Variants in EYS observed in about 807,000 individuals in gnomAD.
EYS encodes the protein EGF-like photoreceptor maintenance factor.
A neutral mutation model predicts 282.1 loss-of-function variants in EYS; 250 were observed. The observed-to-expected ratio is 0.89, with a 90% CI of 0.80 to 0.98. EYS has a LOEUF of 0.98. Ranked by LOEUF, EYS falls within the 50% of genes least tolerant of loss-of-function variation. The pLI is 0.00. For missense variants in EYS, 4,016 were observed against 3,709.0 expected, an observed-to-expected ratio of 1.08 and a Z score of -2.15; for synonymous variants, 1,355 against 1,282.9, an observed-to-expected ratio of 1.06 and a Z score of -1.20.
At chr6:64,206,623 T>A (rs1765616688) in intron 31 of EYS, among the ~76,000 whole-genome samples, 1 of 152,160 alleles carries the variant, frequency 6.6e-6, no homozygotes. Context: ...CCTGGATTGA[T>A]CATGATAGCC....
In EYS at chr6:65,043,958, G is replaced by A. The variant is rs148490007; in HGVS notation, c.2137+13656C>T. Reference sequence around the variant, plus strand: ...TTTTTTAGTTTTTTGAGGAATCTCCGTACCATTTTTCATGATGGTTTTACT... The same window carrying A: ...TTTTTTAGTTTTTTGAGGAATCTCCATACCATTTTTCATGATGGTTTTACT... On this transcript the variant is annotated intron_variant, in intron 13 of 42. Coordinates refer to ENST00000503581, the MANE Select transcript of EYS (RefSeq NM_001142800.2). Among the ~76,000 whole-genome samples, 97 of 151,634 alleles carry A rather than the reference G, an allele frequency of 6.4e-4. 1 individual carries two copies. The highest frequency in any genetic ancestry group is 2.1e-3 in the African/African-American group (88 of 41,448).
At chr6:64,026,343 G>A (rs554806880) in intron 33 of EYS, among the ~76,000 whole-genome samples, 16 of 152,200 alleles carry the variant, frequency 1.1e-4, no homozygotes, top group African/African-American at 2.4e-4. Flanking sequence ...AACCATGGGC[G>A]GTTTTGTCTT....
chr6:65,430,239 A>T (rs1026863746), intron 5 of EYS, among the ~76,000 whole-genome samples: 3 of 152,146 alleles, frequency 2.0e-5, no homozygotes, highest in Admixed American at 6.5e-5. Context: ...TTTTAACTTC[A>T]TATCACTGAA....
At chr6:65,031,867 A>G (rs1460539024) in intron 13 of EYS, among the ~76,000 whole-genome samples, 3 of 151,286 alleles carry the variant, frequency 2.0e-5, no homozygotes, top group Non-Finnish European at 4.4e-5. Flanking sequence ...AGAAAAAAAA[A>G]TAAGCAAAAT....
chr6:65,046,603 T>G (rs1286182491), intron 13 of EYS, among the ~76,000 whole-genome samples: 2 of 151,886 alleles, frequency 1.3e-5, no homozygotes, highest in Non-Finnish European at 2.9e-5. Flanking sequence ...AGAATAATTT[T>G]TGATGTGGTT....
intron 5 of EYS, among the ~76,000 whole-genome samples, chr6:65,449,646 C>T (rs935387898): frequency 2.0e-5 from 3 of 152,110 alleles, no homozygotes; most frequent in African/African-American, 7.2e-5. Context: ...CATTCAAGTA[C>T]ACAAAGATGA....
At chr6:64,411,066 G>A (rs1020821185) in intron 28 of EYS, among the ~76,000 whole-genome samples, 3 of 152,080 alleles carry the variant, frequency 2.0e-5, no homozygotes, top group African/African-American at 7.2e-5. Context: ...ATTACAAAGT[G>A]TATGTGTGGG....
At chr6:63,924,153 T>G (rs528494854) in intron 35 of EYS, among the ~76,000 whole-genome samples, 1 of 152,346 alleles carries the variant, frequency 6.6e-6, no homozygotes, top group South Asian at 2.1e-4. Context: ...CTTTAAAAAG[T>G]TGTATAGCTA....
At chr6:64,187,829 T>C (rs1377585538) in intron 31 of EYS, among the ~76,000 whole-genome samples, 2 of 132,752 alleles carry the variant, frequency 1.5e-5, no homozygotes, top group Non-Finnish European at 3.6e-5. Context: ...TTAGACAGAT[T>C]TTTTTTTTAA....
At chr6:63,925,203 G>A (rs1764681020) in intron 35 of EYS, among the ~76,000 whole-genome samples, 1 of 152,212 alleles carries the variant, frequency 6.6e-6, no homozygotes. Context: ...GGGAGAAGTT[G>A]TGGGCAATGC....
chr6:65,530,844 C>T (rs1419038580), intron 2 of EYS, among the ~76,000 whole-genome samples: 4 of 152,016 alleles, frequency 2.6e-5, no homozygotes, highest in African/African-American at 9.7e-5. Flanking sequence ...ACTTTTTGTT[C>T]CTTGTGCTTG....
chr6:64,995,561 A>G (rs1472270856), intron 14 of EYS, among the ~76,000 whole-genome samples: 1 of 152,142 alleles, frequency 6.6e-6, no homozygotes, highest in Non-Finnish European at 1.5e-5. Context: ...TTGGAAGGAT[A>G]TCACCAGTAT....
intron 37 of EYS, among the ~76,000 whole-genome samples, chr6:63,801,514 C>G (rs1770781977): frequency 6.6e-6 from 1 of 152,020 alleles, no homozygotes; most frequent in South Asian, 2.1e-4. Context: ...CAGTTACCAA[C>G]AGAAGGGATA....
chr6:64,677,902 G>C (rs1364629637), intron 22 of EYS, among the ~76,000 whole-genome samples: 4 of 150,458 alleles, frequency 2.7e-5, no homozygotes, highest in Admixed American at 1.3e-4. Flanking sequence ...ATACCTACTA[G>C]GTATACACAA....
intron 11 of EYS, among the ~76,000 whole-genome samples, chr6:65,315,078 T>C (rs1468736454): frequency 2.0e-5 from 3 of 152,038 alleles, no homozygotes; most frequent in Non-Finnish European, 2.9e-5. Context: ...TTTGTAGCCA[T>C]AGGGATACAT....
At chr6:64,344,931 A>G (rs951291208) in intron 29 of EYS, among the ~76,000 whole-genome samples, 2 of 152,154 alleles carry the variant, frequency 1.3e-5, no homozygotes, top group African/African-American at 4.8e-5. Context: ...CCAAATCATG[A>G]GTGAACTCCC....
At chr6:65,218,929 AGTGATAGAAATC>A (rs1766387644) in intron 12 of EYS, among the ~76,000 whole-genome samples, 4 of 152,150 alleles carry the variant, frequency 2.6e-5, no homozygotes, top group Non-Finnish European at 4.4e-5. Context: ...GCAAGTGAAC[AGTGATAGAAATC>A]AAGATAACTT....
chr6:64,566,605 T>C (rs574189714), intron 26 of EYS, among the ~76,000 whole-genome samples: 14 of 152,308 alleles, frequency 9.2e-5, no homozygotes, highest in African/African-American at 3.4e-4. Flanking sequence ...ATATATTATT[T>C]AAATTGGCTA....
At chr6:65,677,126 A>T (rs1385462283) in intron 1 of EYS, among the ~76,000 whole-genome samples, 1 of 130,714 alleles carries the variant, frequency 7.7e-6, no homozygotes, top group Admixed American at 7.8e-5. Context: ...AAAAAAAAAA[A>T]AGAAAGAAAG....
Sources: gnomAD v4.1 joint callset for allele counts (sites outside exome capture counted in the v4.1 genomes callset) on GRCh38, gnomAD v4.1.1 for gene constraint, MANE v1.5 for transcripts, NCBI Gene and HGNC (gene_info 2026-07-23, HGNC 2026-07-21) for gene names.